COL4A4: variants seen among roughly 807,000 people sequenced by gnomAD.
COL4A4 encodes collagen type IV alpha 4 chain.
In COL4A4, 105 loss-of-function variants were observed where a neutral mutation model predicts 192.9. The ratio of observed to expected loss-of-function variants is 0.54; its 90% CI spans 0.46 to 0.64. The LOEUF (loss-of-function observed/expected upper bound fraction) is 0.64, where lower values mean the gene tolerates loss of function less well. Ranked by LOEUF, COL4A4 falls within the 30% of genes least tolerant of loss-of-function variation. The pLI, the probability that COL4A4 is intolerant of heterozygous loss-of-function variation, is 0.00. For missense variants in COL4A4, 1,967 were observed against 2,169.3 expected, an observed-to-expected ratio of 0.91 and a Z score of 1.85; for synonymous variants, 762 against 769.9, an observed-to-expected ratio of 0.99 and a Z score of 0.17.
intron 25 of COL4A4, among the ~76,000 whole-genome samples, chr2:227,065,980 G>A (rs2058312956): frequency 2.0e-5 from 3 of 152,170 alleles, no homozygotes; most frequent in African/African-American, 4.8e-5. Context: ...ACTTTGAAAA[G>A]AATTTAGAAG....
At chr2:227,078,780 T>C (rs2059170659) in intron 24 of COL4A4, among the ~76,000 whole-genome samples, 1 of 152,226 alleles carries the variant, frequency 6.6e-6, no homozygotes, top group Non-Finnish European at 1.5e-5. Flanking sequence ...TCCATCATCC[T>C]CCACCCCTGT....
intron 7 of COL4A4, among the ~76,000 whole-genome samples, chr2:227,115,921 G>T (rs2061468494): frequency 6.6e-6 from 1 of 152,184 alleles, no homozygotes; most frequent in African/African-American, 2.4e-5. Context: ...AAACTTCATT[G>T]CTATCCTCTC....
chr2:227,055,552 G>A lies in COL4A4; in HGVS notation c.2716+393C>T, dbSNP rs76751396. Among the ~76,000 whole-genome samples, 15 of 151,986 alleles carry A rather than the reference G, an allele frequency of 9.9e-5. No individual in the cohort carries two copies. The East Asian group carries it at 2.7e-3, about 28-fold the overall frequency. On this transcript the variant is annotated intron_variant, in intron 30 of 47. Transcript: ENST00000396625. ...TAAAATAAAAATTCCATGCTCTGCC[G>A]CCCCATCCTCAGTTTCCTACCTACA...
intron 4 of COL4A4, among the ~76,000 whole-genome samples, chr2:227,135,643 A>ATT (rs34094564): frequency 3.0e-4 from 44 of 148,012 alleles, no homozygotes; most frequent in Middle Eastern, 3.5e-3. Context: ...GCTGGAATCT[A>ATT]TTTTTTTTTT....
At chr2:227,081,822 TGTG>T (rs914907547) in intron 23 of COL4A4, among the ~76,000 whole-genome samples, 1 of 152,184 alleles carries the variant, frequency 6.6e-6, no homozygotes, top group African/African-American at 2.4e-5. Context: ...AATACTGTAA[TGTG>T]GTGAATAAAC....
Position 227,088,795 on chromosome 2 carries a change from C to T in COL4A4, c.1481G>A (p.Cys494Tyr), listed in dbSNP as rs1455513537. The change falls in exon 22 of 48, where the codon TGT (cysteine) becomes TAT (tyrosine). Residue 494 changes from cysteine (C) to tyrosine (Y), a missense_variant. By Grantham distance (194) the Cys-to-Tyr change is radical (BLOSUM62 -2). Transcript: ENST00000396625. ...GEKGNEGLCACEPGPMGPPGP... is the reference protein window; with the variant it reads ...GEKGNEGLCAYEPGPMGPPGP... ...AGGGGGGCCCATGGGTCCAGGCTCA[C>T]AGGCACAGAGTCCTTCATTTCCTAG... 6.8e-6 allele frequency: 11 copies of T among 1,614,050 alleles called. No homozygotes were observed. The highest frequency in any genetic ancestry group is 9.3e-6 in the Non-Finnish European group (11 of 1,180,040).
chr2:226,999,933 C>T (rs941925443), downstream of COL4A4, among the ~76,000 whole-genome samples: 10 of 152,142 alleles, frequency 6.6e-5, no homozygotes, highest in Non-Finnish European at 1.5e-4. Context: ...ACTATTTCCC[C>T]CTTAGATAAC....
At position 227,045,953 on chromosome 2, in the gene COL4A4, ATATATGTATATATTTATATGTG is replaced by A. The variant is rs1972641532; in HGVS notation, c.3289+1500_3289+1521del. 4.6e-5 allele frequency among the ~76,000 whole-genome samples: 4 copies of A among 86,142 alleles called. 2 individuals carry two copies. In the Admixed American group the frequency reaches 5.1e-4, roughly 11 times the overall value. The allele number at this position is 86,142 out of a possible 152,430, so 56.5% of individuals were successfully genotyped here. ...TATATATGTATATATGTATATATGTATATATGTATATATTTATATGTGTATATGTATATATTTAGATATTTAG... is the reference window on the plus strand; with the variant it reads ...TATATATGTATATATGTATATATGTATATATGTATATATTTAGATATTTAG... On this transcript the variant is annotated intron_variant, in intron 35 of 47. Coordinates refer to ENST00000396625, the MANE Select transcript of COL4A4 (RefSeq NM_000092.5).
At chr2:227,100,004 G>A (rs1559620850) in intron 17 of COL4A4, among the ~76,000 whole-genome samples, 1 of 152,194 alleles carries the variant, frequency 6.6e-6, no homozygotes, top group Non-Finnish European at 1.5e-5. Context: ...TATACCATGA[G>A]CATTAATGTC....
chr2:227,100,349 G>C (rs1472557480), intron 17 of COL4A4, among the ~76,000 whole-genome samples: 1 of 128,846 alleles, frequency 7.8e-6, no homozygotes, highest in East Asian at 2.2e-4. Flanking sequence ...TGCTTAATAT[G>C]ACACTGATAT....
At chr2:227,107,198 G>A (rs755940531) in intron 12 of COL4A4, among the ~76,000 whole-genome samples, 1 of 152,186 alleles carries the variant, frequency 6.6e-6, no homozygotes, top group Non-Finnish European at 1.5e-5. Flanking sequence ...GGGGAAAGTA[G>A]TTAGGCAACC....
At chr2:227,074,104 T>G (rs2150426797) in intron 25 of COL4A4, among the ~76,000 whole-genome samples, 1 of 150,898 alleles carries the variant, frequency 6.6e-6, no homozygotes, top group African/African-American at 2.4e-5. Flanking sequence ...ATAAGTAGAG[T>G]AAACAGAAAC....
the COL4A4 span, among the ~76,000 whole-genome samples, chr2:226,981,367 A>C: frequency 1.3e-5 from 2 of 152,110 alleles, no homozygotes; most frequent in Non-Finnish European, 2.9e-5. Context: ...AAGTATAATA[A>C]AAAATAAATA....
intron 30 of COL4A4, among the ~76,000 whole-genome samples, chr2:227,054,946 C>T (rs2150223903): frequency 6.6e-6 from 1 of 152,170 alleles, no homozygotes; most frequent in East Asian, 1.9e-4. Flanking sequence ...GGAGCCACCG[C>T]CCTTGGCTAA....
chr2:227,011,039 T>G (rs1341432367), intron 45 of COL4A4, among the ~76,000 whole-genome samples: 1 of 152,108 alleles, frequency 6.6e-6, no homozygotes. Flanking sequence ...AGTTTGGCTC[T>G]CCTCTTCGAG....
intron 44 of COL4A4, among the ~76,000 whole-genome samples, chr2:227,018,547 C>T (rs1187037396): frequency 6.6e-6 from 1 of 152,018 alleles, no homozygotes; most frequent in Non-Finnish European, 1.5e-5. Context: ...GAAGAGGGGC[C>T]CCAGAAGAAA....
chr2:227,032,055 C>T lies in COL4A4; in HGVS notation c.3707G>A (p.Gly1236Glu). ...TGCAGGACCAGGTGGTCCTGAACTC[C>T]CTAAGAAGAGACATGTTCACATGTT... Reference protein sequence around the residue: ...RGKKGPPGPPGSSGPPGPAGA... With the variant: ...RGKKGPPGPPESSGPPGPAGA... Residue 1236 changes from glycine (G) to glutamate (E), a missense_variant and splice_region_variant, in exon 40 of 48, where the codon GGG (glycine) becomes GAG (glutamate). Physicochemically the swap from Gly to Glu is moderately conservative, Grantham distance 98. Transcript: ENST00000396625. 6.2e-7 allele frequency: 1 copy of T among 1,613,942 alleles called. No individual in the cohort carries two copies. Among genetic ancestry groups the T allele is most frequent in the Non-Finnish European group, 8.5e-7 (1 of 1,179,912 alleles).
chr2:227,054,505 A>G, intron 31 of COL4A4, 89 bp downstream of exon 31: 1 of 1,438,484 alleles, frequency 7.0e-7, no homozygotes, highest in Non-Finnish European at 9.8e-7. Flanking sequence ...GCTTCAGACA[A>G]GTCCTATTTT....
At chr2:227,076,758 T>A (rs2059044570) in intron 25 of COL4A4, among the ~76,000 whole-genome samples, 1 of 151,938 alleles carries the variant, frequency 6.6e-6, no homozygotes, top group Admixed American at 6.6e-5. Flanking sequence ...AAGTCTAATA[T>A]CCAGAATATA....
Sources: gnomAD v4.1 joint callset for allele counts (sites outside exome capture counted in the v4.1 genomes callset) on GRCh38, gnomAD v4.1.1 for gene constraint, MANE v1.5 for transcripts, NCBI Gene and HGNC (gene_info 2026-07-23, HGNC 2026-07-21) for gene names.